ZNF75D: variants seen among roughly 807,000 people sequenced by gnomAD.
ZNF75D encodes the protein zinc finger protein 75.
Under a neutral mutation model 33.3 loss-of-function variants are expected in ZNF75D, and 33 were observed. That is an observed-to-expected ratio of 0.99 (90% CI 0.75 to 1.32). The LOEUF (loss-of-function observed/expected upper bound fraction) is 1.32, where lower values mean the gene tolerates loss of function less well. ZNF75D is among the 40% of genes most tolerant of loss of function. ZNF75D has a pLI of 0.00. For synonymous variants in ZNF75D, 113 were observed against 130.6 expected, an observed-to-expected ratio of 0.87 and a Z score of 0.92; for missense variants, 338 against 367.5, an observed-to-expected ratio of 0.92 and a Z score of 0.66.
intron 1 of ZNF75D, among the ~76,000 whole-genome samples, chrX:135,334,091 G>A (rs900452554): frequency 8.9e-6 from 1 of 112,279 alleles, no homozygotes; most frequent in Non-Finnish European, 1.9e-5. Flanking sequence ...TAATTTAATG[G>A]AACCATGGAT....
At chrX:135,271,463 AT>A (rs1192921285) in intron 1 of ZNF75D, among the ~76,000 whole-genome samples, 47 of 111,888 alleles carry the variant, frequency 4.2e-4, no homozygotes, top group Non-Finnish European at 5.3e-4. Flanking sequence ...AGTGCCTCTC[AT>A]TTGCAGATTT....
intron 3 of ZNF75D, 42 bp downstream of exon 3, chrX:135,293,688 T>C: frequency 8.9e-7 from 1 of 1,118,863 alleles, no homozygotes. Context: ...ATATCCACTT[T>C]TATCCTACTT....
rs2083803300 is a variant in ZNF75D, at chrX:135,256,795, G to C, written n.828-1018C>G. Among the ~76,000 whole-genome samples, 2 of 111,739 alleles carry C rather than the reference G, an allele frequency of 1.8e-5. 1 individual carries two copies. Among genetic ancestry groups the C allele is most frequent in the South Asian group, 7.5e-4 (2 of 2,673 alleles). On this transcript the variant is annotated intron_variant and non_coding_transcript_variant, in intron 1 of 3. Coordinates refer to the ZNF75D transcript ENST00000494295. ...AGTCCTTTATAGCAGTATAAAAATG[G>C]ACTAACACATTAAAGGGGACATTAT...
chrX:135,273,156 C>T (rs1275967687), intron 1 of ZNF75D, among the ~76,000 whole-genome samples: 1 of 111,638 alleles, frequency 9.0e-6, no homozygotes, highest in Non-Finnish European at 1.9e-5. Context: ...CCTTTCTGCT[C>T]CATACAGGGG....
At chrX:135,291,445 T>C in intron 5 of ZNF75D, 27 bp downstream of exon 5, 1 of 1,209,557 alleles carries the variant, frequency 8.3e-7, no homozygotes, top group Non-Finnish European at 1.1e-6. Flanking sequence ...TCAAGTCACC[T>C]GAAAAAAGCC....
intron 6 of ZNF75D, among the ~76,000 whole-genome samples, chrX:135,288,169 T>C (rs1461813712): frequency 8.9e-6 from 1 of 112,160 alleles, no homozygotes; most frequent in East Asian, 2.8e-4. Context: ...AAGGCAACTA[T>C]CAACAGAAGG....
intron 1 of ZNF75D, chrX:135,298,678 CAA>C (rs1434282438): frequency 3.6e-5 from 4 of 111,572 alleles, no homozygotes; most frequent in African/African-American, 1.3e-4. Context: ...TAAATATACT[CAA>C]AGAGTTGTGT....
chrX:135,326,151 T>C (rs1323799330), intron 1 of ZNF75D, among the ~76,000 whole-genome samples: 1 of 110,390 alleles, frequency 9.1e-6, no homozygotes, highest in Non-Finnish European at 1.9e-5. Flanking sequence ...GCACCCTGTG[T>C]CTAGCTCAGG....
At chrX:135,258,957 G>A (rs1345585749) in intron 1 of ZNF75D, among the ~76,000 whole-genome samples, 1 of 112,082 alleles carries the variant, frequency 8.9e-6, no homozygotes, top group African/African-American at 3.2e-5. Flanking sequence ...AACCCATCTT[G>A]AATTAATTTT....
chrX:135,273,047 A>T (rs192778570), intron 1 of ZNF75D, among the ~76,000 whole-genome samples: 1 of 111,878 alleles, frequency 8.9e-6, no homozygotes, highest in Non-Finnish European at 1.9e-5. Context: ...CCAATTCTTC[A>T]TTCAAGATGC....
intron 1 of ZNF75D, among the ~76,000 whole-genome samples, chrX:135,256,457 G>A (rs187387111): frequency 1.3e-3 from 145 of 112,024 alleles, no homozygotes; most frequent in African/African-American, 4.3e-3. Flanking sequence ...GCCCTCGCCA[G>A]AAGAATCACC....
At chrX:135,321,650 T>G (rs782645942) in intron 1 of ZNF75D, among the ~76,000 whole-genome samples, 1 of 112,002 alleles carries the variant, frequency 8.9e-6, no homozygotes, top group Non-Finnish European at 1.9e-5. Context: ...GGGAATGAGA[T>G]GTGACTGCAG....
At chrX:135,321,703 G>A (rs1242100363) in intron 1 of ZNF75D, among the ~76,000 whole-genome samples, 1 of 112,304 alleles carries the variant, frequency 8.9e-6, no homozygotes, top group Non-Finnish European at 1.9e-5. Context: ...CAGTGAATGT[G>A]AGAAGTATGT....
At chrX:135,325,456 G>C (rs1261979494) in intron 1 of ZNF75D, among the ~76,000 whole-genome samples, 1 of 111,364 alleles carries the variant, frequency 9.0e-6, no homozygotes, top group African/African-American at 3.3e-5. Context: ...AGGCGTGGAG[G>C]GAGAGGTGTG....
intron 1 of ZNF75D, among the ~76,000 whole-genome samples, chrX:135,299,887 A>C (rs944654483): frequency 1.4e-4 from 16 of 112,019 alleles, no homozygotes; most frequent in Middle Eastern, 9.2e-3. Flanking sequence ...TTCCCTATTA[A>C]ATTGTTTTGG....
At chrX:135,249,206 T>C (rs1363956379) in exon 4 of ZNF75D, 1 of 319,612 alleles carries the variant, frequency 3.1e-6, no homozygotes, top group African/African-American at 2.7e-5. Flanking sequence ...CTCCTGATGC[T>C]CCATGCAGAT....
chrX:135,259,827 T>C (rs1386241547), intron 1 of ZNF75D, among the ~76,000 whole-genome samples: 1 of 112,073 alleles, frequency 8.9e-6, no homozygotes, highest in African/African-American at 3.2e-5. Flanking sequence ...CTTCCAACGC[T>C]ATGTTGAATA....
At chrX:135,315,785 CT>C (rs2084412902) in intron 1 of ZNF75D, among the ~76,000 whole-genome samples, 1 of 110,688 alleles carries the variant, frequency 9.0e-6, no homozygotes, top group African/African-American at 3.3e-5. Flanking sequence ...GTGGAATATA[CT>C]TTTCCACCCC....
In ZNF75D at chrX:135,333,086, C is replaced by CAG. The variant is rs782389345; in HGVS notation, c.-391+8680_-391+8681dup. 2.1e-3 allele frequency among the ~76,000 whole-genome samples: 226 copies of CAG among 107,619 alleles called. 1 individual carries two copies. Among genetic ancestry groups the CAG allele is most frequent in the African/African-American group, 4.6e-3 (137 of 29,710 alleles). The allele number at this position is 107,619 out of a possible 115,157, so 93.5% of individuals were successfully genotyped here. A position where few individuals can be genotyped will look rare whatever the true frequency, so the allele number is the denominator to read the frequency against. On this transcript the variant is annotated intron_variant, in intron 1 of 6. Transcript: ENST00000370766. ...AAAAATCCAAAAGGGGAGTGACTGG[C>CAG]AGAGAGAGAGAGAGAGAGGCAGAGA...
Sources: allele counts gnomAD v4.1 joint callset (sites outside exome capture counted in the v4.1 genomes callset), GRCh38; gene constraint gnomAD v4.1.1; transcripts MANE v1.5; gene names NCBI Gene and HGNC (gene_info 2026-07-23, HGNC 2026-07-21).